The following CAMK2B variants were observed in gnomAD, a reference collection of about 807,000 sequenced individuals.
The protein encoded by CAMK2B is calcium/calmodulin dependent protein kinase II beta.
Under a neutral mutation model 93.7 loss-of-function variants are expected in CAMK2B, and 27 were observed. The observed-to-expected ratio is 0.29, with a 90% CI of 0.21 to 0.40. The LOEUF is 0.40. Among genes scored for constraint, CAMK2B ranks in the 10% least tolerant of loss-of-function variants. The pLI, the probability that CAMK2B is intolerant of heterozygous loss-of-function variation, is 1.00. For missense variants in CAMK2B, 568 were observed against 895.8 expected (o/e 0.63, Z 4.67); for synonymous variants, 374 against 358.8 (o/e 1.04, Z -0.48).
intron 1 of CAMK2B, among the ~76,000 whole-genome samples, chr7:44,317,030 T>C (rs1794973115): frequency 6.6e-6 from 1 of 152,170 alleles, no homozygotes; most frequent in South Asian, 2.1e-4. Flanking sequence ...TTTATGTTTA[T>C]TGCCTGCCTC....
intron 2 of CAMK2B, among the ~76,000 whole-genome samples, chr7:44,272,346 C>A (rs2096983113): frequency 6.6e-6 from 1 of 152,084 alleles, no homozygotes; most frequent in Admixed American, 6.5e-5. Flanking sequence ...AGGCAGACAC[C>A]CCTCTCCTCC....
intron 20 of CAMK2B, chr7:44,226,026 C>T: frequency 2.6e-6 from 2 of 772,746 alleles, no homozygotes; most frequent in Non-Finnish European, 3.6e-6. Flanking sequence ...CAGCTGCCCC[C>T]CAGATCCGCG....
rs768279918 is a variant in CAMK2B at position 44,284,239 on chromosome 7, T to C, written c.66-14A>G. On this transcript the variant is annotated splice_polypyrimidine_tract_variant and intron_variant, in intron 1 of 23. Coordinates refer to ENST00000395749, the MANE Select transcript of CAMK2B (RefSeq NM_001220.5). ...GAGAAAGCCCCCCTGGGGAGGAAAA[T>C]GGGGGAGCGAGAGACAGAGACAGAG... is the stretch of plus-strand genomic sequence containing the variant. The C allele has an allele frequency of 8.9e-6, 14 of 1,576,454 alleles. No individual in the cohort carries two copies. In the East Asian group the frequency reaches 2.5e-4, roughly 28 times the overall value.
At chr7:44,283,495 TTCC>T (rs1310767724) in intron 2 of CAMK2B, among the ~76,000 whole-genome samples, 1 of 152,212 alleles carries the variant, frequency 6.6e-6, no homozygotes, top group Non-Finnish European at 1.5e-5. Context: ...CTCAAGGCCC[TTCC>T]TCGCACACAC....
chr7:44,227,752 GGTGTGGGGGACAGAGGGAGA>G (rs1293585046), intron 19 of CAMK2B, among the ~76,000 whole-genome samples: 1 of 28,838 alleles, frequency 3.5e-5, no homozygotes, highest in East Asian at 9.7e-4. Flanking sequence ...GACAGAGGAG[GGTGTGGGGGACAGAGGGAGA>G]GTCTGGGGGA....
At chr7:44,291,198 G>T (rs1186325135) in intron 1 of CAMK2B, among the ~76,000 whole-genome samples, 2 of 152,180 alleles carry the variant, frequency 1.3e-5, no homozygotes, top group Non-Finnish European at 2.9e-5. Context: ...AGCCTCTCTG[G>T]CCCTGGGGTT....
rs536589861 is a variant in CAMK2B at position 44,228,797 on chromosome 7, C to T, written c.1467G>A (p.Pro489=). The stretch of plus-strand genomic sequence containing the variant: ...GCAGGCCTGGGGGCCACTACTTACA[C>T]GGGGAGGACAGGGGGCCTAGGAGAG... ...SPALLGPLSS[P]SPRISDILNS... is the part of the protein sequence containing the mutation. Residue 489 remains proline, a splice_region_variant and synonymous_variant, in exon 19 of 24, where the codon CCG becomes CCA. Transcript: ENST00000395749. 19 of 1,485,430 alleles carry T rather than the reference C, an allele frequency of 1.3e-5. No homozygotes were observed. The highest frequency in any genetic ancestry group is 1.0e-4 in the Admixed American group (4 of 38,108). The allele number at this position is 1,485,430 out of a possible 1,614,324, so 92.0% of individuals were successfully genotyped here.
rs2116216889 is a variant in CAMK2B, at chr7:44,312,260, T to C, written c.65+13097A>G. 6.7e-6 allele frequency among the ~76,000 whole-genome samples: 1 copy of C among 148,778 alleles called. No individual in the cohort carries two copies. ...CTATTCCAGCATCCTCAGCCCACAC[T>C]GGGGGAAATAGTTCAGCCAGGTGTC... On this transcript the variant is annotated intron_variant, in intron 1 of 23. Coordinates refer to ENST00000395749, the MANE Select transcript of CAMK2B (RefSeq NM_001220.5). This position sits in a 1 kb window ranked among gnomAD's most constrained non-coding sequence, Gnocchi z 4.1.
At chr7:44,284,313 C>A in intron 1 of CAMK2B, 88 bp from the exon 2 acceptor site, 1 of 932,350 alleles carries the variant, frequency 1.1e-6, no homozygotes, top group African/African-American at 1.7e-5. Flanking sequence ...CATAAACACT[C>A]CCCATTAAGC....
intron 13 of CAMK2B, among the ~76,000 whole-genome samples, chr7:44,235,671 G>A (rs542889650): frequency 3.9e-5 from 6 of 152,186 alleles, no homozygotes; most frequent in Non-Finnish European, 7.3e-5. Flanking sequence ...CCTGGACCAC[G>A]CTCACCAAAA....
intron 1 of CAMK2B, among the ~76,000 whole-genome samples, chr7:44,298,754 G>A (rs1433301491): frequency 6.6e-6 from 1 of 152,132 alleles, no homozygotes; most frequent in Non-Finnish European, 1.5e-5. Context: ...ATATGCAAAT[G>A]GAAAACAAGA....
chr7:44,312,982 C>A lies in CAMK2B; in HGVS notation c.65+12375G>T, dbSNP rs1459946074. On this transcript the variant is annotated intron_variant, in intron 1 of 23. Coordinates refer to ENST00000395749, the MANE Select transcript of CAMK2B (RefSeq NM_001220.5). The surrounding 1 kb of genome is among the most constrained non-coding windows in gnomAD (Gnocchi z 4.1). Reference sequence around the variant, plus strand: ...GCCCAGGACAGCTGGGTCCCCAGCTCTGTCGAAGGAGGAGTACAGGCTCAG... The same window carrying A: ...GCCCAGGACAGCTGGGTCCCCAGCTATGTCGAAGGAGGAGTACAGGCTCAG... Among the ~76,000 whole-genome samples the A allele has an allele frequency of 6.6e-6, 1 of 152,088 alleles. No individual in the cohort carries two copies. The highest frequency in any genetic ancestry group is 2.4e-5 in the African/African-American group (1 of 41,410).
At chr7:44,262,655 G>T (rs1216038691) in intron 3 of CAMK2B, among the ~76,000 whole-genome samples, 1 of 152,206 alleles carries the variant, frequency 6.6e-6, no homozygotes, top group Non-Finnish European at 1.5e-5. Flanking sequence ...AGAGGGCTCT[G>T]TGAGGAATGT....
At chr7:44,219,704 G>A (rs948026407) in intron 23 of CAMK2B, 182 bp from the exon 24 acceptor site, 22 of 338,008 alleles carry the variant, frequency 6.5e-5, no homozygotes, top group African/African-American at 3.2e-4. Context: ...CTCTGGGCCC[G>A]CTGCACCCAC....
chr7:44,310,921 A>C lies in CAMK2B; in HGVS notation c.65+14436T>G, dbSNP rs538203716. On this transcript the variant is annotated intron_variant, in intron 1 of 23. Coordinates refer to ENST00000395749, the MANE Select transcript of CAMK2B (RefSeq NM_001220.5). Reference sequence around the variant, plus strand: ...TACTGCCACTGAACTGTACACTTAAAAACGGTTAAGACAGCAAATTTTTCT... The same window carrying C: ...TACTGCCACTGAACTGTACACTTAACAACGGTTAAGACAGCAAATTTTTCT... 9.2e-5 allele frequency among the ~76,000 whole-genome samples: 14 copies of C among 152,330 alleles called. No individual in the cohort carries two copies. In the South Asian group the frequency reaches 2.9e-3, roughly 32 times the overall value.
intron 12 of CAMK2B, 53 bp from the exon 13 acceptor site, chr7:44,239,716 C>A: frequency 8.7e-7 from 1 of 1,151,148 alleles, no homozygotes; most frequent in East Asian, 2.6e-5. Flanking sequence ...CGGACACAGA[C>A]GAGGGGTGGG....
chr7:44,231,264 T>C (rs2096576749), intron 16 of CAMK2B, among the ~76,000 whole-genome samples: 1 of 152,146 alleles, frequency 6.6e-6, no homozygotes, highest in East Asian at 1.9e-4. Context: ...GTGGACCTCA[T>C]GCGGCAGTGA....
chr7:44,295,270 T>C (rs917933349), intron 1 of CAMK2B, among the ~76,000 whole-genome samples: 1 of 152,224 alleles, frequency 6.6e-6, no homozygotes, highest in African/African-American at 2.4e-5. Flanking sequence ...TGTGAGAAGC[T>C]TGGAAGTCAT....
chr7:44,258,932 G>C lies in CAMK2B; in HGVS notation c.221-6C>G. 2 of 1,613,574 alleles carry C rather than the reference G, an allele frequency of 1.2e-6. No homozygotes were observed. The highest frequency in any genetic ancestry group is 1.7e-6 in the Non-Finnish European group (2 of 1,179,740). ...GATGCTGTCGTGGAGACGCACTGTG[G>C]GGACAGAGAAGCCATGAGGGGCTGG... is the stretch of plus-strand genomic sequence containing the variant. On this transcript the variant is annotated splice_polypyrimidine_tract_variant and splice_region_variant and intron_variant, in intron 3 of 23. Coordinates refer to ENST00000395749, the MANE Select transcript of CAMK2B (RefSeq NM_001220.5).
Sources: gnomAD v4.1 joint callset for allele counts (sites outside exome capture counted in the v4.1 genomes callset) on GRCh38, gnomAD v4.1.1 for gene constraint, Gnocchi (gnomAD v3.1) non-coding constraint, MANE v1.5 for transcripts, NCBI Gene and HGNC (gene_info 2026-07-23, HGNC 2026-07-21) for gene names.